Variants in KLHL13 observed in about 807,000 individuals in gnomAD.
The protein encoded by KLHL13 is kelch-like protein 13.
KLHL13 carries 10 observed loss-of-function variants against 37.1 expected under a neutral mutation model. That is an observed-to-expected ratio of 0.27 (90% CI 0.17 to 0.46). The LOEUF (loss-of-function observed/expected upper bound fraction) is 0.46. Ranked by LOEUF, KLHL13 falls within the 20% of genes least tolerant of loss-of-function variation. The pLI is 1.00. For synonymous variants in KLHL13, 163 were observed against 181.2 expected, an observed-to-expected ratio of 0.90 and a Z score of 0.81; for missense variants, 360 against 509.3, an observed-to-expected ratio of 0.71 and a Z score of 2.82.
In KLHL13 at chrX:118,089,628, A is replaced by AAG. The variant is rs1556002587; in HGVS notation, c.-56+26878_-56+26879dup. Among the ~76,000 whole-genome samples, 5 of 84,307 alleles carry AAG rather than the reference A, an allele frequency of 5.9e-5. No homozygotes were observed. The East Asian group carries it at 1.9e-3, about 33-fold the overall frequency. 73.2% of individuals were successfully genotyped at this position (84,307 alleles called of 115,157 possible). A position where few individuals can be genotyped will look rare whatever the true frequency, so the allele number is the denominator to read the frequency against. On this transcript the variant is annotated intron_variant, in intron 1 of 6. Coordinates refer to the KLHL13 transcript ENST00000371882. The stretch of plus-strand genomic sequence containing the variant: ...AGAGAGAGAGAAAGAAAGAGAAAGA[A>AAG]AGAAAGAAAGAAAGAAAGAAAGAAA...
At chrX:118,079,361 G>T (rs1046178505) in intron 1 of KLHL13, among the ~76,000 whole-genome samples, 1 of 110,621 alleles carries the variant, frequency 9.0e-6, no homozygotes, top group Non-Finnish European at 1.9e-5. Context: ...ATCCCTCTTT[G>T]CTGATGATAT....
At chrX:118,017,864 T>C (rs993248217) in intron 1 of KLHL13, among the ~76,000 whole-genome samples, 4 of 111,647 alleles carry the variant, frequency 3.6e-5, no homozygotes, top group Non-Finnish European at 7.5e-5. Context: ...TTATACTGTG[T>C]TTCATCTATG....
At chrX:117,940,674 G>T (rs997388455) in intron 2 of KLHL13, among the ~76,000 whole-genome samples, 1 of 111,083 alleles carries the variant, frequency 9.0e-6, no homozygotes, top group Non-Finnish European at 1.9e-5. Context: ...TTGTAAGTTG[G>T]ATTCCTAGGT....
chrX:118,110,049 A>G (rs1369927384), intron 1 of KLHL13, among the ~76,000 whole-genome samples: 2 of 111,533 alleles, frequency 1.8e-5, no homozygotes, highest in East Asian at 5.6e-4. Context: ...GTATTGGTAA[A>G]GAACAAGAAA....
chrX:117,985,465 C>G, intron 1 of KLHL13: 1 of 458,859 alleles, frequency 2.2e-6, no homozygotes, highest in African/African-American at 2.8e-5. Flanking sequence ...AAAAAAAAAA[C>G]CTATGTACTG....
chrX:117,970,337 T>C (rs2053504061), intron 1 of KLHL13, among the ~76,000 whole-genome samples: 1 of 112,076 alleles, frequency 8.9e-6, no homozygotes, highest in African/African-American at 3.2e-5. Context: ...GAATTCTATA[T>C]TCAAAATACT....
chrX:117,932,748 T>C (rs967763219), intron 2 of KLHL13, among the ~76,000 whole-genome samples: 2 of 112,283 alleles, frequency 1.8e-5, no homozygotes, highest in Admixed American at 1.9e-4. Flanking sequence ...GATTGCTGGA[T>C]CATATGGTAG....
intron 1 of KLHL13, among the ~76,000 whole-genome samples, chrX:118,096,149 T>C (rs2055203278): frequency 9.0e-6 from 1 of 111,415 alleles, no homozygotes; most frequent in Non-Finnish European, 1.9e-5. Context: ...AGCTGGTTTT[T>C]TGAAAAGATC....
intron 1 of KLHL13, among the ~76,000 whole-genome samples, chrX:118,044,542 T>C (rs1466545566): frequency 9.1e-6 from 1 of 109,450 alleles, no homozygotes; most frequent in African/African-American, 3.3e-5. Context: ...AAAAGACACA[T>C]AGACCAATGG....
chrX:118,090,999 AC>A (rs1281157712), intron 1 of KLHL13, among the ~76,000 whole-genome samples: 7 of 107,214 alleles, frequency 6.5e-5, no homozygotes, highest in African/African-American at 2.0e-4. Flanking sequence ...GAAGCTGGAA[AC>A]CATCATTCTC....
intron 5 of KLHL13, among the ~76,000 whole-genome samples, chrX:117,903,173 G>A (rs866813022): frequency 2.1e-3 from 203 of 96,685 alleles, no homozygotes; most frequent in Non-Finnish European, 3.1e-3. Context: ...GAGAGAGAGA[G>A]GAGAGCGAGA....
intron 4 of KLHL13, among the ~76,000 whole-genome samples, chrX:117,911,400 T>C (rs776409605): frequency 2.7e-5 from 3 of 112,494 alleles, no homozygotes; most frequent in South Asian, 3.7e-4. Flanking sequence ...GTTATTTTCA[T>C]AGATTATTTT....
intron 1 of KLHL13, among the ~76,000 whole-genome samples, chrX:118,034,183 G>A (rs1219264006): frequency 4.9e-5 from 5 of 101,520 alleles, no homozygotes; most frequent in African/African-American, 8.5e-5. Context: ...ACAGATCAAC[G>A]AGACAGAAAG....
intron 1 of KLHL13, among the ~76,000 whole-genome samples, chrX:117,958,277 T>C (rs943123104): frequency 1.5e-4 from 17 of 111,441 alleles, no homozygotes; most frequent in Non-Finnish European, 2.8e-4. Flanking sequence ...TTAGGTACAG[T>C]AAGATATCAA....
intron 1 of KLHL13, among the ~76,000 whole-genome samples, chrX:118,006,987 G>A (rs1302360531): frequency 1.8e-5 from 2 of 111,692 alleles, no homozygotes; most frequent in East Asian, 5.6e-4. Context: ...TTGGGGGCCA[G>A]AGATCAAATA....
At chrX:118,031,553 T>A (rs887384661) in intron 1 of KLHL13, among the ~76,000 whole-genome samples, 2 of 88,967 alleles carry the variant, frequency 2.2e-5, no homozygotes, top group Non-Finnish European at 4.3e-5. Flanking sequence ...GTTATATATA[T>A]ATTTAGTTAT....
intron 1 of KLHL13, among the ~76,000 whole-genome samples, chrX:118,092,498 G>A (rs2055148624): frequency 9.0e-6 from 1 of 111,437 alleles, no homozygotes; most frequent in African/African-American, 3.3e-5. Flanking sequence ...AGCATTCTCA[G>A]ATAAAGGAAA....
At chrX:117,922,347 G>A (rs1377044501) in intron 2 of KLHL13, among the ~76,000 whole-genome samples, 1 of 111,620 alleles carries the variant, frequency 9.0e-6, no homozygotes. Context: ...AGGACACTAG[G>A]GTGTGGGAGA....
intron 1 of KLHL13, among the ~76,000 whole-genome samples, chrX:118,107,886 T>C (rs1203618503): frequency 9.0e-6 from 1 of 111,329 alleles, no homozygotes; most frequent in Non-Finnish European, 1.9e-5. Context: ...ACCCTGTCTC[T>C]ACAAAAAATA....
Sources: allele counts gnomAD v4.1 joint callset (sites outside exome capture counted in the v4.1 genomes callset), GRCh38; gene constraint gnomAD v4.1.1; transcripts MANE v1.5; gene names NCBI Gene and HGNC (gene_info 2026-07-23, HGNC 2026-07-21).